The following SLC30A6 variants were observed in gnomAD, a reference collection of about 807,000 sequenced individuals.
SLC30A6 encodes the protein zinc transporter 6.
SLC30A6 carries 55 observed loss-of-function variants against 63.0 expected under a neutral mutation model. That is an observed-to-expected ratio of 0.87 (90% CI 0.70 to 1.09). The LOEUF (loss-of-function observed/expected upper bound fraction) is 1.09, where lower values mean the gene tolerates loss of function less well. SLC30A6 is among the 50% of genes least tolerant of loss of function. The pLI is 0.00. For synonymous variants in SLC30A6, 224 were observed against 186.1 expected (o/e 1.20, Z -1.66); for missense variants, 587 against 549.2 (o/e 1.07, Z -0.69).
intron 4 of SLC30A6, among the ~76,000 whole-genome samples, chr2:32,181,349 C>CGTGTGTG (rs1682290532): frequency 6.6e-6 from 1 of 152,098 alleles, no homozygotes; most frequent in Non-Finnish European, 1.5e-5. Context: ...CTGTGATGTA[C>CGTGTGTG]TGTAAGTTGT....
intron 1 of SLC30A6, among the ~76,000 whole-genome samples, chr2:32,168,523 T>C (rs1384051243): frequency 1.3e-5 from 2 of 151,904 alleles, no homozygotes; most frequent in Non-Finnish European, 2.9e-5. Flanking sequence ...CAAAGCAATG[T>C]AACAAGTTGA....
chr2:32,216,566 TAAATAAATAAATA>T (rs1685725497), intron 13 of SLC30A6, among the ~76,000 whole-genome samples: 1 of 149,368 alleles, frequency 6.7e-6, no homozygotes, highest in Non-Finnish European at 1.5e-5. Flanking sequence ...AATAAATAAA[TAAATAAATAAATA>T]AATAATAATA....
At chr2:32,187,298 T>C (rs904800937) in intron 5 of SLC30A6, 2 of 466,632 alleles carry the variant, frequency 4.3e-6, no homozygotes, top group East Asian at 6.9e-5. Context: ...TAAAATAATA[T>C]TTATGGTAGG....
At chr2:32,195,524 C>G (rs1386668496) in intron 8 of SLC30A6, among the ~76,000 whole-genome samples, 1 of 151,396 alleles carries the variant, frequency 6.6e-6, no homozygotes, top group Non-Finnish European at 1.5e-5. Context: ...ACTCTATAAT[C>G]AGCCTCTTTA....
At chr2:32,210,641 T>C (rs1459894041) in intron 13 of SLC30A6, among the ~76,000 whole-genome samples, 1 of 151,902 alleles carries the variant, frequency 6.6e-6, no homozygotes, top group Non-Finnish European at 1.5e-5. Flanking sequence ...TACAGTATCA[T>C]TAAAAAAAAC....
At chr2:32,171,171 A>G in intron 1 of SLC30A6, 116 bp from the exon 2 acceptor site, 1 of 732,102 alleles carries the variant, frequency 1.4e-6, no homozygotes, top group South Asian at 1.8e-5. Flanking sequence ...CTTGATGTAT[A>G]TTGAGTACTT....
intron 5 of SLC30A6, among the ~76,000 whole-genome samples, chr2:32,189,511 G>A (rs942743242): frequency 1.3e-5 from 2 of 149,940 alleles, no homozygotes; most frequent in African/African-American, 2.5e-5. Context: ...TGGCCAGGCT[G>A]GTCTTGAACT....
At chr2:32,181,356 T>A (rs938581615) in intron 4 of SLC30A6, among the ~76,000 whole-genome samples, 1 of 152,166 alleles carries the variant, frequency 6.6e-6, no homozygotes, top group Non-Finnish European at 1.5e-5. Context: ...GTACTGTAAG[T>A]TGTAAGACTA....
At chr2:32,219,485 A>AGTG (rs1685980231) in intron 13 of SLC30A6, among the ~76,000 whole-genome samples, 1 of 151,364 alleles carries the variant, frequency 6.6e-6, no homozygotes, top group South Asian at 2.1e-4. Flanking sequence ...CTCAGGCTGG[A>AGTG]GTGCAGTGGT....
chr2:32,189,355 G>A (rs1025798944), intron 5 of SLC30A6, among the ~76,000 whole-genome samples: 13 of 147,494 alleles, frequency 8.8e-5, no homozygotes, highest in Non-Finnish European at 1.2e-4. Context: ...GCAGTGGTGC[G>A]ACCTTGGCTC....
chr2:32,203,200 A>C, intron 10 of SLC30A6: 1 of 1,138,788 alleles, frequency 8.8e-7, no homozygotes, highest in Non-Finnish European at 1.3e-6. Flanking sequence ...TCTCCTCCTC[A>C]GGATGTTGAG....
rs1031808448 is a variant in SLC30A6, at chr2:32,201,719, A to T, written c.666-2871A>T. On this transcript the variant is annotated intron_variant, in intron 10 of 13. Transcript: ENST00000282587. ...TGGATATCACAGTTTCGGCTAATGGATTATGGACCTGTACTTCCCTTATAT... is the reference window on the plus strand; with the variant it reads ...TGGATATCACAGTTTCGGCTAATGGTTTATGGACCTGTACTTCCCTTATAT... The T allele has an allele frequency of 1.5e-5, 20 of 1,359,190 alleles. No individual in the cohort carries two copies. In the African/African-American group the frequency reaches 2.2e-4, roughly 15 times the overall value. The allele number at this position is 1,359,190 out of a possible 1,614,324, so 84.2% of individuals were successfully genotyped here.
intron 13 of SLC30A6, among the ~76,000 whole-genome samples, chr2:32,217,574 A>T (rs1472244490): frequency 6.6e-6 from 1 of 152,116 alleles, no homozygotes; most frequent in Non-Finnish European, 1.5e-5. Flanking sequence ...ATGTATTTTA[A>T]AATATTTTTT....
chr2:32,183,776 C>T (rs1278752979), intron 4 of SLC30A6, among the ~76,000 whole-genome samples: 1 of 151,290 alleles, frequency 6.6e-6, no homozygotes, highest in Non-Finnish European at 1.5e-5. Flanking sequence ...ACCTCAATTT[C>T]ATATTGTAGT....
At chr2:32,197,884 G>A in intron 10 of SLC30A6, 58 bp downstream of exon 10, 1 of 1,595,302 alleles carries the variant, frequency 6.3e-7, no homozygotes, top group Non-Finnish European at 8.5e-7. Context: ...TACTTTTAAG[G>A]GCATCAGCAG....
At chr2:32,209,040 A>T (rs1231331342) in intron 12 of SLC30A6, among the ~76,000 whole-genome samples, 1 of 152,120 alleles carries the variant, frequency 6.6e-6, no homozygotes, top group Non-Finnish European at 1.5e-5. Flanking sequence ...CTGGCCTTGG[A>T]ATTTCTTCTA....
intron 13 of SLC30A6, among the ~76,000 whole-genome samples, chr2:32,213,413 A>T (rs933379637): frequency 6.6e-6 from 1 of 150,822 alleles, no homozygotes; most frequent in Non-Finnish European, 1.5e-5. Flanking sequence ...CACTGTTGTA[A>T]TGTGCAAAAC....
chr2:32,202,406 T>C (rs772727947), intron 10 of SLC30A6: 8 of 265,822 alleles, frequency 3.0e-5, no homozygotes, highest in Non-Finnish European at 5.1e-5. Flanking sequence ...CTCGGCTCAC[T>C]GCAAGCTCCG....
At chr2:32,195,410 C>T (rs1396819061) in intron 8 of SLC30A6, among the ~76,000 whole-genome samples, 1 of 151,998 alleles carries the variant, frequency 6.6e-6, no homozygotes, top group Non-Finnish European at 1.5e-5. Flanking sequence ...TATTGCTTCT[C>T]ATTAAATACT....
Sources: gnomAD v4.1 joint callset for allele counts (sites outside exome capture counted in the v4.1 genomes callset) on GRCh38, gnomAD v4.1.1 for gene constraint, MANE v1.5 for transcripts, NCBI Gene and HGNC (gene_info 2026-07-23, HGNC 2026-07-21) for gene names.